The following ATF7 variants were observed in gnomAD, a reference collection of about 807,000 sequenced individuals.
ATF7 encodes the protein activating transcription factor 7, also known as cyclic AMP-dependent transcription factor ATF-7.
ATF7 carries 10 observed loss-of-function variants against 50.4 expected under a neutral mutation model. The observed-to-expected ratio is 0.20, with a 90% CI of 0.12 to 0.34. The LOEUF is 0.34. Ranked by LOEUF, ATF7 falls within the 10% of genes least tolerant of loss-of-function variation. The pLI is 1.00. For missense variants in ATF7, 465 were observed against 613.9 expected, an observed-to-expected ratio of 0.76 and a Z score of 2.56; for synonymous variants, 201 against 226.4, an observed-to-expected ratio of 0.89 and a Z score of 1.01.
rs771538806 is a variant in ATF7 at position 53,531,807 on chromosome 12, G to T, written c.864C>A (p.Ala288=). 3 of 1,612,968 alleles carry T rather than the reference G, an allele frequency of 1.9e-6. No individual in the cohort carries two copies. The Admixed American group carries it at 5.0e-5, about 27-fold the overall frequency. ...VVGTASTMVT[A]RPEQSQILIQ... is the part of the protein sequence containing the mutation. ...TGAGAATCTGGCTCTGCTCTGGGCG[G>T]GCTGTCACCATGGTGCTGGCAGTAC... Residue 288 remains alanine (A), a synonymous_variant, in exon 9 of 12, where the codon GCC becomes GCA. Transcript: ENST00000420353.
chr12:53,529,589 G>A (rs1938719382), intron 9 of ATF7, among the ~76,000 whole-genome samples: 1 of 150,124 alleles, frequency 6.7e-6, no homozygotes, highest in African/African-American at 2.5e-5. Flanking sequence ...CTCCCAAAGT[G>A]CTGGGACTAC....
chr12:53,607,343 A>G (rs568773407), intron 1 of ATF7, among the ~76,000 whole-genome samples: 7 of 152,304 alleles, frequency 4.6e-5, no homozygotes, highest in African/African-American at 1.4e-4. Context: ...TTGGGAGTAC[A>G]TATTTAGACG....
intron 1 of ATF7, among the ~76,000 whole-genome samples, chr12:53,616,945 CAA>C (rs548267926): frequency 4.7e-4 from 38 of 80,096 alleles, no homozygotes; most frequent in Admixed American, 7.1e-4. Context: ...ACTCTGTCTC[CAA>C]AAAAAAAAAA....
At chr12:53,618,703 TTGTGTG>T (rs368518238) in intron 1 of ATF7, among the ~76,000 whole-genome samples, 3 of 102,414 alleles carry the variant, frequency 2.9e-5, no homozygotes, top group Non-Finnish European at 6.6e-5. Flanking sequence ...TAAATGGCAA[TTGTGTG>T]TGTGTGTGTG....
In ATF7 at chr12:53,524,081, A is replaced by T. The variant is rs1938288991; in HGVS notation, c.1125+483T>A. 6.6e-6 allele frequency among the ~76,000 whole-genome samples: 1 copy of T among 152,260 alleles called. No homozygotes were observed. The highest frequency in any genetic ancestry group is 2.4e-5 in the African/African-American group (1 of 41,478). On this transcript the variant is annotated intron_variant, in intron 10 of 11. Transcript: ENST00000420353. This position sits in a 1 kb window ranked among gnomAD's most constrained non-coding sequence, Gnocchi z 4.6. The stretch of plus-strand genomic sequence containing the variant: ...CATTTGTGTGTATATTTTATAATAG[A>T]AATGTATTTATATATTGCTTTTTAA...
rs770042829 is a variant in ATF7 at position 53,600,948 on chromosome 12, C to T, written c.48+5G>A. ...CATTCACAATAAAGTATATTGTAAACGTACCTGTCCACAGCCCGGGGCATT... is the reference window on the plus strand; with the variant it reads ...CATTCACAATAAAGTATATTGTAAATGTACCTGTCCACAGCCCGGGGCATT... On this transcript the variant is annotated splice_donor_5th_base_variant and intron_variant, in intron 2 of 11. Transcript: ENST00000420353. 1.2e-6 allele frequency: 2 copies of T among 1,612,640 alleles called. No individual in the cohort carries two copies. The highest frequency in any genetic ancestry group is 1.7e-6 in the Non-Finnish European group (2 of 1,179,252).
rs376315527 is a variant in ATF7, at chr12:53,517,255, G to T, written c.1334C>A (p.Ala445Glu). Residue 445 changes from alanine to glutamate, a missense_variant, in exon 12 of 12, where the codon GCA (alanine) becomes GAA (glutamate). Ala to Glu is a moderately radical substitution (Grantham distance 107). Coordinates refer to ENST00000420353, the MANE Select transcript of ATF7 (RefSeq NM_006856.3). ...APSNGLSVRS[A>E]AEAVATSVLT... is the part of the protein sequence containing the mutation. ...GACCGAGGTGGCCACAGCTTCAGCT[G>T]CAGAGCGAACACTGAGGCCATTGCT... is the stretch of plus-strand genomic sequence containing the variant. The T allele has an allele frequency of 8.7e-6, 14 of 1,613,940 alleles. No homozygotes were observed. The African/African-American group carries it at 1.7e-4, about 20-fold the overall frequency.
At chr12:53,612,338 G>A (rs1313552625) in intron 1 of ATF7, among the ~76,000 whole-genome samples, 1 of 151,900 alleles carries the variant, frequency 6.6e-6, no homozygotes, top group Non-Finnish European at 1.5e-5. Flanking sequence ...CCAGGCTGGA[G>A]TGCAGTGGCT....
chr12:53,519,833 G>C (rs1260139363), intron 11 of ATF7, among the ~76,000 whole-genome samples: 1 of 152,038 alleles, frequency 6.6e-6, no homozygotes, highest in African/African-American at 2.4e-5. Context: ...TGCAATCTCT[G>C]CCTCCTGGGT....
rs551868600 is a variant in ATF7, at chr12:53,559,732, A to C, written c.49-7095T>G. Among the ~76,000 whole-genome samples, 23 of 150,712 alleles carry C rather than the reference A, an allele frequency of 1.5e-4. No individual in the cohort carries two copies. In the South Asian group the frequency reaches 4.8e-3, roughly 32 times the overall value. On this transcript the variant is annotated intron_variant, in intron 2 of 11. Coordinates refer to ENST00000420353, the MANE Select transcript of ATF7 (RefSeq NM_006856.3). ...TTAGTGTACATCTCAATGAATTTTT[A>C]ATTTTTAAATTTGCATAAACCTGTG...
chr12:53,534,700 T>C, intron 5 of ATF7, 41 bp from the exon 6 acceptor site: 1 of 1,593,616 alleles, frequency 6.3e-7, no homozygotes, highest in Non-Finnish European at 8.5e-7. Context: ...TGTTTTAAGG[T>C]GTGCTTATAG....
intron 2 of ATF7, chr12:53,600,718 GT>G (rs1943362179): frequency 2.2e-6 from 1 of 444,458 alleles, no homozygotes. Context: ...TTTCCATACT[GT>G]GTGGTGGGAA....
chr12:53,565,925 CA>C (rs1187590346), intron 2 of ATF7, among the ~76,000 whole-genome samples: 2 of 152,188 alleles, frequency 1.3e-5, no homozygotes, highest in African/African-American at 4.8e-5. Flanking sequence ...TATGGACTCA[CA>C]GTTCCACATG....
chr12:53,600,837 T>A (rs769939446), intron 2 of ATF7, 116 bp downstream of exon 2: 17 of 983,010 alleles, frequency 1.7e-5, no homozygotes, highest in Non-Finnish European at 2.0e-5. Context: ...AATCCTCTGA[T>A]CTGATTACCT....
Position 53,543,368 on chromosome 12 carries a change from G to T in ATF7, c.226C>A (p.His76Asn). 1 of 1,598,478 alleles carries T rather than the reference G, an allele frequency of 6.3e-7. No individual in the cohort carries two copies. The change falls in exon 4 of 12, where the codon CAT (histidine) becomes AAT (asparagine). Residue 76 changes from histidine to asparagine, a missense_variant. By Grantham distance (68) the His-to-Asn change is moderately conservative. Transcript: ENST00000420353. ...LFNELASSFE[H>N]EFKKAADEDE... ...TCATCTGCAGCTTTCTTGAATTCAT[G>T]TTCAAAGGAGCTAGCTAGTTCATTG...
intron 1 of ATF7, among the ~76,000 whole-genome samples, chr12:53,613,573 T>C (rs1042761392): frequency 6.6e-6 from 1 of 152,072 alleles, no homozygotes. Context: ...CAAGCTGGAG[T>C]GCAGTGGCAC....
At chr12:53,622,738 C>T (rs1944446953) in intron 1 of ATF7, among the ~76,000 whole-genome samples, 1 of 151,848 alleles carries the variant, frequency 6.6e-6, no homozygotes. Context: ...TTTGAGAGAC[C>T]AAGGTGGGGA....
At chr12:53,539,123 G>C (rs1939386427) in intron 4 of ATF7, among the ~76,000 whole-genome samples, 1 of 152,202 alleles carries the variant, frequency 6.6e-6, no homozygotes, top group South Asian at 2.1e-4. Flanking sequence ...GACCACTCCT[G>C]TACAGGCAGG....
At chr12:53,542,299 C>T (rs1002935592) in intron 4 of ATF7, among the ~76,000 whole-genome samples, 5 of 151,640 alleles carry the variant, frequency 3.3e-5, no homozygotes, top group African/African-American at 7.2e-5. Flanking sequence ...TGGTGGTGGG[C>T]GCCTGTAGTT....
Sources: gnomAD v4.1 joint callset for allele counts (sites outside exome capture counted in the v4.1 genomes callset) on GRCh38, gnomAD v4.1.1 for gene constraint, Gnocchi (gnomAD v3.1) non-coding constraint, MANE v1.5 for transcripts, NCBI Gene and HGNC (gene_info 2026-07-23, HGNC 2026-07-21) for gene names.